The following ANKMY1 variants were observed in gnomAD, a reference collection of about 807,000 sequenced individuals.
ANKMY1 encodes ankyrin repeat and MYND domain containing 1.
Under a neutral mutation model 102.0 loss-of-function variants are expected in ANKMY1, and 98 were observed. That is an observed-to-expected ratio of 0.96 (90% CI 0.82 to 1.14). ANKMY1 has a LOEUF of 1.14. Among genes scored for constraint, ANKMY1 ranks in the 50% most tolerant of loss-of-function variants. The probability of loss-of-function intolerance (pLI) is 0.00; values close to 1 mark genes in which losing one functional copy is unlikely to be tolerated. For missense variants in ANKMY1, 1,330 were observed against 1,347.6 expected (o/e 0.99, Z 0.20); for synonymous variants, 582 against 559.9 (o/e 1.04, Z -0.56).
chr2:240,560,881 T>G (rs1457762967), upstream of ANKMY1: 17 of 1,444,778 alleles, frequency 1.2e-5, no homozygotes, highest in Non-Finnish European at 1.5e-5. Context: ...GTGGCAGAGC[T>G]GCGCGTGCCC....
At chr2:240,542,760 A>C (rs2089297703) in intron 4 of ANKMY1, among the ~76,000 whole-genome samples, 1 of 149,414 alleles carries the variant, frequency 6.7e-6, no homozygotes, top group Non-Finnish European at 1.5e-5. Context: ...ATTATGTTAT[A>C]GGTTGAGTCT....
At chr2:240,531,701 A>G (rs2085427819) in intron 4 of ANKMY1, among the ~76,000 whole-genome samples, 1 of 152,230 alleles carries the variant, frequency 6.6e-6, no homozygotes. Flanking sequence ...GACAAAAAGC[A>G]GATTAGTAGT....
At chr2:240,477,453 G>A (rs566854501), downstream of ANKMY1, among the ~76,000 whole-genome samples, 4 of 152,336 alleles carry the variant, frequency 2.6e-5, no homozygotes, top group Non-Finnish European at 4.4e-5. Flanking sequence ...CCAGAGCACA[G>A]TGGTGCCATC....
intron 4 of ANKMY1, among the ~76,000 whole-genome samples, chr2:240,536,802 T>C (rs913852396): frequency 6.6e-6 from 1 of 152,242 alleles, no homozygotes; most frequent in African/African-American, 2.4e-5. Flanking sequence ...TTCTATAATA[T>C]TTATTGAATG....
downstream of ANKMY1, among the ~76,000 whole-genome samples, chr2:240,475,936 CA>C (rs2074822183): frequency 6.6e-6 from 1 of 152,066 alleles, no homozygotes; most frequent in African/African-American, 2.4e-5. Context: ...AAGCAGTTTA[CA>C]AACTCAATGC....
intron 2 of ANKMY1, among the ~76,000 whole-genome samples, chr2:240,556,407 T>C (rs1219608997): frequency 6.6e-6 from 1 of 152,220 alleles, no homozygotes; most frequent in Non-Finnish European, 1.5e-5. Flanking sequence ...TGGACAGACA[T>C]GCAGGCTCCT....
At position 240,529,574 on chromosome 2, in the gene ANKMY1, T is replaced by C; in HGVS notation, c.481-65A>G. 1 of 1,417,384 alleles carries C rather than the reference T, an allele frequency of 7.1e-7. No individual in the cohort carries two copies. Among genetic ancestry groups the C allele is most frequent in the Non-Finnish European group, 9.4e-7 (1 of 1,058,400 alleles). 87.8% of individuals were successfully genotyped at this position (1,417,384 alleles called of 1,614,324 possible). Reference sequence around the variant, plus strand: ...ACCCAGCTGCACATGTGATCATGTTTGTAACGTCAAAAGAAATCCCAAAAA... The same window carrying C: ...ACCCAGCTGCACATGTGATCATGTTCGTAACGTCAAAAGAAATCCCAAAAA... On this transcript the variant is annotated intron_variant, in intron 4 of 17. Coordinates refer to ENST00000401804, the MANE Select transcript of ANKMY1 (RefSeq NM_001282771.3). This position sits in a 1 kb window ranked among gnomAD's most constrained non-coding sequence, Gnocchi z 4.2.
chr2:240,484,010 T>A (rs2075752238), intron 15 of ANKMY1, among the ~76,000 whole-genome samples: 1 of 152,260 alleles, frequency 6.6e-6, no homozygotes, highest in African/African-American at 2.4e-5. Context: ...GCAAAGGACA[T>A]GAACTCAGCC....
intron 15 of ANKMY1, among the ~76,000 whole-genome samples, chr2:240,490,251 G>A (rs2076492509): frequency 1.3e-5 from 2 of 152,020 alleles, no homozygotes; most frequent in African/African-American, 4.8e-5. Flanking sequence ...TTGATTCTCT[G>A]TATTTTTTCT....
chr2:240,525,981 G>C (rs1435727880), intron 6 of ANKMY1, 132 bp from the exon 7 acceptor site: 1 of 1,219,944 alleles, frequency 8.2e-7, no homozygotes. Context: ...TCGGGAGCTT[G>C]GCAAAGGGAC....
intron 9 of ANKMY1, among the ~76,000 whole-genome samples, chr2:240,514,280 G>A (rs1371505880): frequency 6.6e-6 from 1 of 152,192 alleles, no homozygotes; most frequent in African/African-American, 2.4e-5. Context: ...CGTCTCTCAG[G>A]TAGGAGCTCC....
intron 13 of ANKMY1, among the ~76,000 whole-genome samples, chr2:240,501,222 G>C (rs2078134977): frequency 6.6e-6 from 1 of 152,090 alleles, no homozygotes; most frequent in Non-Finnish European, 1.5e-5. Flanking sequence ...GCGTGTCTGT[G>C]CATGAGTGGG....
intron 4 of ANKMY1, chr2:240,532,092 G>A (rs1373823430): frequency 2.1e-6 from 1 of 468,922 alleles, no homozygotes; most frequent in Non-Finnish European, 4.4e-6. Flanking sequence ...AGAAATAACA[G>A]TTGAGAATTT....
chr2:240,499,854 C>CAAGAG lies in ANKMY1; in HGVS notation c.2806+103_2806+104insCTCTT. ...CGACGAGCCCAGCCCCAGGAAGGCC[C>CAAGAG]CTCCAAGAGCCCCAGGGGGTCCAGA... On this transcript the variant is annotated intron_variant, in intron 15 of 17. Coordinates refer to ENST00000401804, the MANE Select transcript of ANKMY1 (RefSeq NM_001282771.3). This position sits in a 1 kb window ranked among gnomAD's most constrained non-coding sequence, Gnocchi z 4.2. 1 of 1,398,356 alleles carries CAAGAG rather than the reference C, an allele frequency of 7.2e-7. No homozygotes were observed. The allele number at this position is 1,398,356 out of a possible 1,614,324, so 86.6% of individuals were successfully genotyped here.
intron 6 of ANKMY1, 63 bp from the exon 7 acceptor site, chr2:240,525,912 C>T (rs997289165): frequency 5.1e-6 from 8 of 1,572,264 alleles, no homozygotes; most frequent in Middle Eastern, 1.7e-4. Context: ...GGAAGGGTCA[C>T]TGGGTGTCCT....
chr2:240,497,632 A>G (rs2077438430), intron 15 of ANKMY1, among the ~76,000 whole-genome samples: 1 of 152,170 alleles, frequency 6.6e-6, no homozygotes. Context: ...AGTTTTCTCT[A>G]GCAATTAGCC....
rs1198725647 is a variant in ANKMY1 at position 240,555,028 on chromosome 2, T to C, written c.174A>G (p.Glu58=). 4.3e-6 allele frequency: 7 copies of C among 1,613,956 alleles called. No individual in the cohort carries two copies. Among genetic ancestry groups the C allele is most frequent in the Non-Finnish European group, 5.9e-6 (7 of 1,179,984 alleles). The change falls in exon 3 of 18, where the codon GAA becomes GAG. Residue 58 remains glutamate (E), a synonymous_variant. Coordinates refer to ENST00000401804, the MANE Select transcript of ANKMY1 (RefSeq NM_001282771.3). The part of the protein sequence containing the change: ...TRDVSAAPEK[E]EEEAEGPLRA... ...TCAGCGGGCCCTCAGCTTCCTCCTCTTCCTTCTCAGGGGCTGCTGAAACAT... is the reference window on the plus strand; with the variant it reads ...TCAGCGGGCCCTCAGCTTCCTCCTCCTCCTTCTCAGGGGCTGCTGAAACAT...
the ANKMY1 span, among the ~76,000 whole-genome samples, chr2:240,470,515 C>A: frequency 6.6e-6 from 1 of 152,220 alleles, no homozygotes; most frequent in Non-Finnish European, 1.5e-5. Context: ...TGAGTCTAAA[C>A]ATTTCCCTCC....
intron 13 of ANKMY1, among the ~76,000 whole-genome samples, chr2:240,505,425 G>A (rs2078909271): frequency 6.6e-6 from 1 of 151,518 alleles, no homozygotes; most frequent in African/African-American, 2.4e-5. Context: ...TCACACCTCT[G>A]CACTCCAGCC....
Sources: allele counts gnomAD v4.1 joint callset (sites outside exome capture counted in the v4.1 genomes callset), GRCh38; gene constraint gnomAD v4.1.1; non-coding constraint Gnocchi (gnomAD v3.1); transcripts MANE v1.5; gene names NCBI Gene and HGNC (gene_info 2026-07-23, HGNC 2026-07-21).